Variants in SMIM14 observed in about 807,000 individuals in gnomAD.
SMIM14 encodes the protein small integral membrane protein 14.
In SMIM14, 5 loss-of-function variants were observed where a neutral mutation model predicts 12.6. The ratio of observed to expected loss-of-function variants is 0.40; its 90% CI spans 0.21 to 0.83. The LOEUF (loss-of-function observed/expected upper bound fraction) is 0.83, where lower values mean the gene tolerates loss of function less well. Ranked by LOEUF, SMIM14 falls within the 40% of genes least tolerant of loss-of-function variation. The pLI is 0.37. For missense variants in SMIM14, 86 were observed against 119.1 expected, an observed-to-expected ratio of 0.72 and a Z score of 1.29; for synonymous variants, 30 against 40.1, an observed-to-expected ratio of 0.75 and a Z score of 0.95.
At chr4:39,613,976 A>G (rs976006956) in intron 1 of SMIM14, among the ~76,000 whole-genome samples, 1 of 152,032 alleles carries the variant, frequency 6.6e-6, no homozygotes, top group Non-Finnish European at 1.5e-5. Context: ...AGATCACCTG[A>G]GGTTAGGAGT....
At position 39,573,181 on chromosome 4, in the gene SMIM14, C is replaced by T. The variant is rs190679541; in HGVS notation, c.76-718G>A. ...TGCGATCTCAGCTCACTGCAACCTC[C>T]GCCTCCCAGGTTCAAGCGATTCTCC... On this transcript the variant is annotated intron_variant, in intron 2 of 4. Coordinates refer to ENST00000295958, the MANE Select transcript of SMIM14 (RefSeq NM_174921.3). Among the ~76,000 whole-genome samples, 476 of 150,486 alleles carry T rather than the reference C, an allele frequency of 3.2e-3. 4 individuals are homozygous for T. The highest frequency in any genetic ancestry group is 0.011 in the African/African-American group (443 of 40,974).
intron 3 of SMIM14, among the ~76,000 whole-genome samples, chr4:39,570,558 AGTGTT>A (rs1374705616): frequency 6.6e-6 from 1 of 152,226 alleles, no homozygotes; most frequent in Non-Finnish European, 1.5e-5. Flanking sequence ...TGTTTATTCA[AGTGTT>A]GTTTATAATA....
chr4:39,559,707 C>T (rs1292247952), intron 3 of SMIM14, among the ~76,000 whole-genome samples: 3 of 151,980 alleles, frequency 2.0e-5, no homozygotes, highest in East Asian at 1.9e-4. Flanking sequence ...CCTGCTGCAA[C>T]GAAGTCTTAT....
At chr4:39,602,989 C>T (rs1351077914) in intron 2 of SMIM14, among the ~76,000 whole-genome samples, 2 of 152,112 alleles carry the variant, frequency 1.3e-5, no homozygotes, top group Non-Finnish European at 2.9e-5. Flanking sequence ...GGTTGAGTAT[C>T]CCTAATCTGA....
At chr4:39,603,220 A>C (rs889592782) in intron 2 of SMIM14, among the ~76,000 whole-genome samples, 1 of 152,224 alleles carries the variant, frequency 6.6e-6, no homozygotes, top group African/African-American at 2.4e-5. Context: ...AATATACTTC[A>C]CTGTTAATAA....
chr4:39,635,443 G>C (rs1265454998), intron 1 of SMIM14, among the ~76,000 whole-genome samples: 3 of 152,166 alleles, frequency 2.0e-5, no homozygotes, highest in African/African-American at 7.2e-5. Context: ...TCTTAGGCTG[G>C]TAAGGGAAAT....
intron 1 of SMIM14, among the ~76,000 whole-genome samples, chr4:39,606,164 A>C (rs1714796561): frequency 6.6e-6 from 1 of 151,566 alleles, no homozygotes; most frequent in African/African-American, 2.4e-5. Context: ...TGGGCAACCT[A>C]GTGAGACCTC....
intron 2 of SMIM14, among the ~76,000 whole-genome samples, chr4:39,592,409 T>G (rs1018658241): frequency 1.3e-5 from 2 of 152,020 alleles, no homozygotes; most frequent in Non-Finnish European, 2.9e-5. Flanking sequence ...TTATAGTCTT[T>G]GTACTAAAAC....
In SMIM14 at chr4:39,572,475, A is replaced by G. The variant is rs1160475482; in HGVS notation, c.76-12T>C. 10 of 1,602,996 alleles carry G rather than the reference A, an allele frequency of 6.2e-6. No homozygotes were observed. The South Asian group carries it at 1.1e-4, about 18-fold the overall frequency. On this transcript the variant is annotated splice_polypyrimidine_tract_variant and intron_variant, in intron 2 of 4. Transcript: ENST00000295958. ...TGGGACTGCCGTAACTACAATGAAT[A>G]AGAAAGGGAAGTTAGTGATTAGACT...
chr4:39,560,857 G>A (rs1395976431), intron 3 of SMIM14, among the ~76,000 whole-genome samples: 3 of 151,662 alleles, frequency 2.0e-5, no homozygotes, highest in African/African-American at 7.3e-5. Flanking sequence ...CCATCATGAA[G>A]TTTCTTGCAA....
intron 1 of SMIM14, among the ~76,000 whole-genome samples, chr4:39,620,014 C>T (rs1715421390): frequency 1.3e-5 from 2 of 150,544 alleles, no homozygotes; most frequent in African/African-American, 4.9e-5. Context: ...GGAGCTGGGA[C>T]TAGAGGCACA....
intron 2 of SMIM14, among the ~76,000 whole-genome samples, chr4:39,590,900 A>C (rs919471127): frequency 6.6e-6 from 1 of 152,032 alleles, no homozygotes; most frequent in Non-Finnish European, 1.5e-5. Context: ...CCAGATTGTC[A>C]CTGAAAGAGA....
Position 39,601,176 on chromosome 4 carries a change from A to G in SMIM14, c.75+3895T>C, listed in dbSNP as rs190143545. On this transcript the variant is annotated intron_variant, in intron 2 of 4. Coordinates refer to ENST00000295958, the MANE Select transcript of SMIM14 (RefSeq NM_174921.3). ...CTTGGCAAAGCTCATCTATTTCTAC[A>G]GAATAGGCAAAAACTAAACCACAGC... Among the ~76,000 whole-genome samples the G allele has an allele frequency of 1.2e-4, 19 of 152,324 alleles. No individual in the cohort carries two copies. In the East Asian group the frequency reaches 3.1e-3, roughly 25 times the overall value.
At chr4:39,566,800 C>T (rs1347343104) in intron 3 of SMIM14, among the ~76,000 whole-genome samples, 1 of 152,080 alleles carries the variant, frequency 6.6e-6, no homozygotes, top group Non-Finnish European at 1.5e-5. Flanking sequence ...AACCCTGTCT[C>T]TACTAAAAGT....
chr4:39,632,532 A>ACCTG (rs1715943377), intron 1 of SMIM14, among the ~76,000 whole-genome samples: 1 of 145,742 alleles, frequency 6.9e-6, no homozygotes, highest in Non-Finnish European at 1.5e-5. Flanking sequence ...AATGGCTCAC[A>ACCTG]CCTGTAATCC....
intron 2 of SMIM14, among the ~76,000 whole-genome samples, chr4:39,597,870 G>C (rs1248196761): frequency 6.6e-6 from 1 of 152,084 alleles, no homozygotes; most frequent in Non-Finnish European, 1.5e-5. Flanking sequence ...TGAACAGTTA[G>C]GGCATACAAA....
rs1311105651 is a variant in SMIM14, at chr4:39,558,369, G to A, written c.125-1799C>T. On this transcript the variant is annotated intron_variant, in intron 3 of 4. Coordinates refer to ENST00000295958, the MANE Select transcript of SMIM14 (RefSeq NM_174921.3). The surrounding 1 kb of genome is among the most constrained non-coding windows in gnomAD (Gnocchi z 4.3). ...TCCATTAGGTAAACAGTTAAGGCTG[G>A]GCCCCTAGAAGTGCTTGCCTGAAAA... Among the ~76,000 whole-genome samples the A allele has an allele frequency of 6.6e-6, 1 of 152,142 alleles. No individual in the cohort carries two copies. The highest frequency in any genetic ancestry group is 1.5e-5 in the Non-Finnish European group (1 of 68,038).
chr4:39,599,694 C>A (rs1316455644), intron 2 of SMIM14, among the ~76,000 whole-genome samples: 2 of 151,940 alleles, frequency 1.3e-5, no homozygotes, highest in Non-Finnish European at 2.9e-5. Context: ...GAGGCTGAGG[C>A]GGGTGGATCA....
chr4:39,558,943 C>T lies in SMIM14; in HGVS notation c.125-2373G>A, dbSNP rs907209883. ...CAGGCTGGTCTCAAACTCCTGACCT[C>T]GTGATCTGCCTGCTTCGGCCTCCCA... is the stretch of plus-strand genomic sequence containing the variant. On this transcript the variant is annotated intron_variant, in intron 3 of 4. Transcript: ENST00000295958. The surrounding 1 kb of genome is among the most constrained non-coding windows in gnomAD (Gnocchi z 4.3). 1.3e-5 allele frequency among the ~76,000 whole-genome samples: 2 copies of T among 152,034 alleles called. No homozygotes were observed. Among genetic ancestry groups the T allele is most frequent in the African/African-American group, 4.8e-5 (2 of 41,402 alleles).
Sources: allele counts gnomAD v4.1 joint callset (sites outside exome capture counted in the v4.1 genomes callset), GRCh38; gene constraint gnomAD v4.1.1; non-coding constraint Gnocchi (gnomAD v3.1); transcripts MANE v1.5; gene names NCBI Gene and HGNC (gene_info 2026-07-23, HGNC 2026-07-21).